The following ABAT variants were observed in gnomAD, a reference collection of about 807,000 sequenced individuals.
ABAT encodes 4-aminobutyrate aminotransferase.
Under a neutral mutation model 64.6 loss-of-function variants are expected in ABAT, and 45 were observed. That is an observed-to-expected ratio of 0.70 (90% CI 0.55 to 0.89). ABAT has a LOEUF of 0.89. ABAT is among the 40% of genes least tolerant of loss of function. The probability of loss-of-function intolerance (pLI) is 0.00; values close to 1 mark genes in which losing one functional copy is unlikely to be tolerated. For synonymous variants in ABAT, 297 were observed against 250.5 expected, an observed-to-expected ratio of 1.19 and a Z score of -1.75; for missense variants, 633 against 658.4, an observed-to-expected ratio of 0.96 and a Z score of 0.42.
intron 5 of ABAT, among the ~76,000 whole-genome samples, chr16:8,755,770 C>G (rs1596458533): frequency 6.6e-6 from 1 of 151,826 alleles, no homozygotes; most frequent in African/African-American, 2.4e-5. Context: ...AAAATTGTGG[C>G]TGGGTACGGT....
chr16:8,731,993 A>G (rs1180277682), intron 1 of ABAT, among the ~76,000 whole-genome samples: 1 of 151,940 alleles, frequency 6.6e-6, no homozygotes, highest in African/African-American at 2.4e-5. Context: ...AGCTGGGATT[A>G]CAGGAGCTCA....
intron 1 of ABAT, among the ~76,000 whole-genome samples, chr16:8,719,867 A>G (rs1315741919): frequency 6.6e-6 from 1 of 152,246 alleles, no homozygotes; most frequent in East Asian, 1.9e-4. Context: ...GTTGGAGAGC[A>G]GTGGCACGAC....
intron 11 of ABAT, among the ~76,000 whole-genome samples, chr16:8,771,059 G>A (rs1392063563): frequency 2.0e-5 from 3 of 152,132 alleles, no homozygotes; most frequent in Non-Finnish European, 1.5e-5. Flanking sequence ...ACTTTGGGAG[G>A]TTGAGGCGGG....
At chr16:8,733,073 G>A (rs2058792130) in intron 1 of ABAT, among the ~76,000 whole-genome samples, 1 of 146,658 alleles carries the variant, frequency 6.8e-6, no homozygotes, top group East Asian at 2.0e-4. Flanking sequence ...CCGGGCGGGG[G>A]GCTGACCCCC....
chr16:8,733,860 T>C (rs2058833963), intron 1 of ABAT, among the ~76,000 whole-genome samples: 1 of 152,216 alleles, frequency 6.6e-6, no homozygotes, highest in Non-Finnish European at 1.5e-5. Context: ...TAATCTACTT[T>C]AGGTTTCATA....
chr16:8,729,828 T>TTAA (rs563045872), intron 1 of ABAT, among the ~76,000 whole-genome samples: 13 of 128,454 alleles, frequency 1.0e-4, no homozygotes, highest in Admixed American at 4.0e-4. Flanking sequence ...TTTTTTGTCT[T>TTAA]AAAAAAAAAA....
At chr16:8,777,511 A>G (rs1362572283) in intron 14 of ABAT, among the ~76,000 whole-genome samples, 2 of 152,156 alleles carry the variant, frequency 1.3e-5, no homozygotes, top group Admixed American at 1.3e-4. Flanking sequence ...GAAATCTCAC[A>G]TAATACTTCT....
chr16:8,768,150 A>G, intron 9 of ABAT, 43 bp from the exon 10 acceptor site: 1 of 1,589,948 alleles, frequency 6.3e-7, no homozygotes, highest in Non-Finnish European at 8.6e-7. Context: ...CAGTTCCCCC[A>G]TCCTTACAAC....
intron 9 of ABAT, 140 bp from the exon 10 acceptor site, chr16:8,768,053 G>C: frequency 2.4e-6 from 2 of 846,798 alleles, no homozygotes; most frequent in East Asian, 2.5e-5. Context: ...AGACCCCATT[G>C]GTCCCATGGG....
intron 1 of ABAT, among the ~76,000 whole-genome samples, chr16:8,692,858 C>A (rs994992533): frequency 9.9e-5 from 15 of 152,054 alleles, no homozygotes; most frequent in Admixed American, 8.5e-4. Context: ...TCCAAAGGTA[C>A]CTTTTTCTTT....
At chr16:8,683,127 G>A (rs1730943) in intron 1 of ABAT, 88,567 of 152,004 alleles carry the variant, frequency 0.58, 26,193 homozygotes, top group East Asian at 0.77. Flanking sequence ...CGCTTTACCC[G>A]TGGGAAACCA....
intron 2 of ABAT, among the ~76,000 whole-genome samples, chr16:8,742,488 A>T (rs1271271851): frequency 6.6e-6 from 1 of 152,180 alleles, no homozygotes; most frequent in East Asian, 1.9e-4. Flanking sequence ...TTTTATCAAA[A>T]TATGCGTCCC....
Position 8,776,861 on chromosome 16 carries a change from G to A in ABAT, c.1269+371G>A, listed in dbSNP as rs188393368. Reference sequence around the variant, plus strand: ...CCCAAAGTGCTGGGCAGCGCCTGCCGGCACTGGTTATCTTTCTTATTTATT... The same window carrying A: ...CCCAAAGTGCTGGGCAGCGCCTGCCAGCACTGGTTATCTTTCTTATTTATT... On this transcript the variant is annotated intron_variant, in intron 14 of 15. Coordinates refer to ENST00000268251, the MANE Select transcript of ABAT (RefSeq NM_020686.6). This position sits in a 1 kb window ranked among gnomAD's most constrained non-coding sequence, Gnocchi z 4.4. Among the ~76,000 whole-genome samples the A allele has an allele frequency of 8.6e-4, 130 of 151,370 alleles. No homozygotes were observed. Among genetic ancestry groups the A allele is most frequent in the African/African-American group, 3.0e-3 (125 of 41,300 alleles).
rs2060429380 is a variant in ABAT, at chr16:8,781,222, T to C, written c.1382-87T>C. The C allele has an allele frequency of 6.3e-7, 1 of 1,593,092 alleles. No individual in the cohort carries two copies. The highest frequency in any genetic ancestry group is 1.3e-5 in the African/African-American group (1 of 74,368). On this transcript the variant is annotated intron_variant, in intron 15 of 15. Transcript: ENST00000268251. This position sits in a 1 kb window ranked among gnomAD's most constrained non-coding sequence, Gnocchi z 4.5. ...GGATGGATGGATGGATGGATGAGCG[T>C]TGCCAACAGGCATCACTTTCCCCCC...
chr16:8,779,734 C>A, intron 15 of ABAT, 144 bp downstream of exon 15: 3 of 713,038 alleles, frequency 4.2e-6, no homozygotes, highest in South Asian at 3.0e-5. Flanking sequence ...TGCTCTTTCT[C>A]CAAAGAAGAG....
rs138485291 is a variant in ABAT at position 8,738,020 on chromosome 16, A to G, written c.70+2211A>G. Among the ~76,000 whole-genome samples, 452 of 126,448 alleles carry G rather than the reference A, an allele frequency of 3.6e-3. 26 individuals carry two copies. The highest frequency in any genetic ancestry group is 0.022 in the East Asian group (88 of 3,946). The allele number at this position is 126,448 out of a possible 152,430, so 83.0% of individuals were successfully genotyped here. Reference sequence around the variant, plus strand: ...AGAAAGAAAGAAAGAAAGAAAGGAAAGAAAGAAAGAAGGACAGACAGACAA... The same window carrying G: ...AGAAAGAAAGAAAGAAAGAAAGGAAGGAAAGAAAGAAGGACAGACAGACAA... On this transcript the variant is annotated intron_variant, in intron 2 of 15. Transcript: ENST00000268251.
At chr16:8,735,637 A>G in intron 1 of ABAT, 62 bp from the exon 2 acceptor site, 1 of 1,353,240 alleles carries the variant, frequency 7.4e-7, no homozygotes, top group Non-Finnish European at 1.0e-6. Context: ...TGGGGATGGG[A>G]TCTTTGGCTG....
At chr16:8,779,435 C>T (rs760035597) in intron 14 of ABAT, 44 bp from the exon 15 acceptor site, 1 of 1,530,694 alleles carries the variant, frequency 6.5e-7, no homozygotes. Flanking sequence ...AGCTGGTACA[C>T]AGGTGATGGG....
At chr16:8,766,945 T>C (rs2059963470) in intron 9 of ABAT, among the ~76,000 whole-genome samples, 1 of 152,166 alleles carries the variant, frequency 6.6e-6, no homozygotes, top group Non-Finnish European at 1.5e-5. Flanking sequence ...CACTCCAGCC[T>C]GGCGACAGAG....
Sources: gnomAD v4.1 joint callset for allele counts (sites outside exome capture counted in the v4.1 genomes callset) on GRCh38, gnomAD v4.1.1 for gene constraint, Gnocchi (gnomAD v3.1) non-coding constraint, MANE v1.5 for transcripts, NCBI Gene and HGNC (gene_info 2026-07-23, HGNC 2026-07-21) for gene names.